ARSG: variants seen among roughly 807,000 people sequenced by gnomAD.
The protein encoded by ARSG is ASG.
In ARSG, 37 loss-of-function variants were observed where a neutral mutation model predicts 50.5. The ratio of observed to expected loss-of-function variants is 0.73; its 90% CI spans 0.56 to 0.96. ARSG has a LOEUF of 0.96. Ranked by LOEUF, ARSG falls within the 50% of genes least tolerant of loss-of-function variation. The probability of loss-of-function intolerance (pLI) is 0.00; values close to 1 mark genes in which losing one functional copy is unlikely to be tolerated. For synonymous variants in ARSG, 225 were observed against 254.6 expected (o/e 0.88, Z 1.11); for missense variants, 629 against 675.3 (o/e 0.93, Z 0.76).
the ARSG span, among the ~76,000 whole-genome samples, chr17:68,437,577 C>CA: frequency 1.3e-5 from 2 of 151,396 alleles, no homozygotes; most frequent in Non-Finnish European, 2.9e-5. Flanking sequence ...AGAAACCGAG[C>CA]AATTTCTGAG....
intron 4 of ARSG, among the ~76,000 whole-genome samples, chr17:68,350,244 G>A (rs895315862): frequency 1.3e-5 from 2 of 152,126 alleles, no homozygotes; most frequent in African/African-American, 4.8e-5. Flanking sequence ...TTTTAGGAAG[G>A]GTGCTTATAG....
chr17:68,422,110 C>T, downstream of ARSG: 1 of 377,608 alleles, frequency 2.6e-6, no homozygotes, highest in Non-Finnish European at 4.9e-6. Context: ...TACTTGTAAA[C>T]ATGGACTGCT....
chr17:68,379,909 A>G, intron 8 of ARSG: 1 of 969,138 alleles, frequency 1.0e-6, no homozygotes, highest in Non-Finnish European at 1.2e-6. Context: ...AGCTTTATGT[A>G]CACTGTCTTA....
rs113475061 is a variant in ARSG, at chr17:68,317,470, T to G, written c.218+9759T>G. On this transcript the variant is annotated intron_variant, in intron 2 of 11. Coordinates refer to ENST00000621439, the MANE Select transcript of ARSG (RefSeq NM_001267727.2). The stretch of plus-strand genomic sequence containing the variant: ...AAATAATGATGAACTGTTTTGTTTT[T>G]TTTTTTTTGTATGTGAAAAACCCAA... Among the ~76,000 whole-genome samples, 71 of 152,244 alleles carry G rather than the reference T, an allele frequency of 4.7e-4. 1 individual carries two copies. Among genetic ancestry groups the G allele is most frequent in the South Asian group, 1.2e-3 (6 of 4,828 alleles).
chr17:68,273,950 T>C, intron 1 of ARSG: 1 of 1,613,954 alleles, frequency 6.2e-7, no homozygotes, highest in Non-Finnish European at 8.5e-7. Flanking sequence ...GATGGCGACG[T>C]ACATATGAGA....
the ARSG span, among the ~76,000 whole-genome samples, chr17:68,429,280 G>A: frequency 6.6e-6 from 1 of 152,150 alleles, no homozygotes; most frequent in Admixed American, 6.5e-5. Flanking sequence ...ACAGAAAGGG[G>A]GTAAATGGAG....
At chr17:68,354,405 C>A (rs1459419796) in intron 5 of ARSG, among the ~76,000 whole-genome samples, 1 of 146,528 alleles carries the variant, frequency 6.8e-6, no homozygotes, top group Non-Finnish European at 1.5e-5. Context: ...AGAGCCAGAT[C>A]CTGTCTCAAA....
intron 6 of ARSG, among the ~76,000 whole-genome samples, chr17:68,362,991 G>A (rs768653663): frequency 4.6e-5 from 7 of 152,310 alleles, no homozygotes; most frequent in African/African-American, 7.2e-5. Context: ...GTGATGTGCT[G>A]GTGCTGTGCC....
At chr17:68,288,782 T>C (rs1555754958), upstream of ARSG, among the ~76,000 whole-genome samples, 1 of 152,190 alleles carries the variant, frequency 6.6e-6, no homozygotes, top group East Asian at 1.9e-4. Context: ...TTAGGCCATA[T>C]TTGTTAATTT....
intron 11 of ARSG, among the ~76,000 whole-genome samples, chr17:68,416,642 C>T (rs1277196662): frequency 6.6e-6 from 1 of 152,178 alleles, no homozygotes; most frequent in Non-Finnish European, 1.5e-5. Context: ...TCCCAGCCTT[C>T]TTGGAGGCTT....
At chr17:68,312,747 C>T (rs1568453876) in intron 2 of ARSG, among the ~76,000 whole-genome samples, 1 of 152,116 alleles carries the variant, frequency 6.6e-6, no homozygotes, top group Non-Finnish European at 1.5e-5. Flanking sequence ...CCTGTGAGGC[C>T]ATGAACTGAT....
intron 1 of ARSG, among the ~76,000 whole-genome samples, chr17:68,260,931 C>CTTAA (rs1555745079): frequency 3.3e-5 from 5 of 152,162 alleles, no homozygotes; most frequent in Non-Finnish European, 4.4e-5. Context: ...GACCTCCATA[C>CTTAA]TTAACCCAGT....
upstream of ARSG, chr17:68,291,035 C>T (rs1480898386): frequency 6.6e-6 from 1 of 152,234 alleles, no homozygotes; most frequent in African/African-American, 2.4e-5. Context: ...AAAAAACAAC[C>T]CACATCCCAC....
At chr17:68,357,289 G>T (rs186292346) in intron 6 of ARSG, among the ~76,000 whole-genome samples, 1 of 152,196 alleles carries the variant, frequency 6.6e-6, no homozygotes, top group Admixed American at 6.5e-5. Flanking sequence ...AGTCTTAGGG[G>T]GCTAAAATCA....
intron 5 of ARSG, 41 bp from the exon 6 acceptor site, chr17:68,356,626 C>T (rs377499716): frequency 2.1e-5 from 34 of 1,610,742 alleles, no homozygotes; most frequent in African/African-American, 1.3e-5. Flanking sequence ...TCCGTGAGTA[C>T]GTAGGAAATG....
chr17:68,296,413 A>G (rs1387679755), intron 1 of ARSG, among the ~76,000 whole-genome samples: 3 of 152,218 alleles, frequency 2.0e-5, no homozygotes, highest in African/African-American at 2.4e-5. Context: ...TCCCAGGAAC[A>G]ATAGGCAATG....
At chr17:68,278,273 A>G (rs553320122) in intron 1 of ARSG, 1 of 1,614,210 alleles carries the variant, frequency 6.2e-7, no homozygotes, top group Admixed American at 1.7e-5. Flanking sequence ...CAGGCACTTC[A>G]GTATACACAT....
chr17:68,395,659 C>T (rs2081211103), intron 10 of ARSG, among the ~76,000 whole-genome samples: 1 of 152,162 alleles, frequency 6.6e-6, no homozygotes, highest in South Asian at 2.1e-4. Context: ...GTTCTCATTC[C>T]CTATAATGGG....
chr17:68,387,312 A>T (rs932221652), intron 9 of ARSG, among the ~76,000 whole-genome samples: 2 of 151,920 alleles, frequency 1.3e-5, no homozygotes, highest in Non-Finnish European at 2.9e-5. Context: ...AATTTTTTGT[A>T]GGCATGGGGA....
Sources: gnomAD v4.1 joint callset for allele counts (sites outside exome capture counted in the v4.1 genomes callset) on GRCh38, gnomAD v4.1.1 for gene constraint, MANE v1.5 for transcripts, NCBI Gene and HGNC (gene_info 2026-07-23, HGNC 2026-07-21) for gene names.